Variants in ADH4 observed in about 807,000 individuals in gnomAD.
The protein encoded by ADH4 is alcohol dehydrogenase 4 (class II), pi polypeptide, also known as all-trans-retinol dehydrogenase [NAD(+)] ADH4.
Under a neutral mutation model 35.2 loss-of-function variants are expected in ADH4, and 31 were observed. That is an observed-to-expected ratio of 0.88 (90% CI 0.66 to 1.19). The LOEUF (loss-of-function observed/expected upper bound fraction) is 1.19, where lower values mean the gene tolerates loss of function less well. Ranked by LOEUF, ADH4 falls within the 50% of genes most tolerant of loss-of-function variation. The pLI is 0.00. For missense variants in ADH4, 476 were observed against 458.3 expected, an observed-to-expected ratio of 1.04 and a Z score of -0.35; for synonymous variants, 171 against 160.2, an observed-to-expected ratio of 1.07 and a Z score of -0.51.
chr4:99,125,216 A>G (rs1729048137), intron 8 of ADH4, among the ~76,000 whole-genome samples: 1 of 151,996 alleles, frequency 6.6e-6, no homozygotes, highest in Non-Finnish European at 1.5e-5. Flanking sequence ...CTGTGCCCAT[A>G]TGGTGGACAC....
At chr4:99,131,388 A>C (rs29001208) in intron 6 of ADH4, 116 bp downstream of exon 6, 287,576 of 1,162,950 alleles carry the variant, frequency 0.25, 39,103 homozygotes, top group Non-Finnish European at 0.28. Flanking sequence ...TAGTTCTACC[A>C]CCCTGTCATC....
rs766470523 is a variant in ADH4 at position 99,141,550 on chromosome 4, C to T, written c.253G>A (p.Val85Ile). ...GAATAAAATAAAATACCTGGTTTGA[C>T]GTTGGTCACTCCTGGCCCAATACTT... The part of the protein sequence containing the change: ...VESIGPGVTN[V>I]KPGDKVIPLY... Residue 85 changes from valine (V) to isoleucine (I), a missense_variant, in exon 3 of 9, where the codon GTC becomes ATC. Transcript: ENST00000265512. 5.7e-5 allele frequency: 92 copies of T among 1,607,020 alleles called. No individual in the cohort carries two copies. The highest frequency in any genetic ancestry group is 6.9e-5 in the Non-Finnish European group (81 of 1,177,614).
intron 6 of ADH4, among the ~76,000 whole-genome samples, chr4:99,128,031 T>TA (rs1205615649): frequency 6.6e-6 from 1 of 151,388 alleles, no homozygotes; most frequent in African/African-American, 2.4e-5. Flanking sequence ...ATAAGACTAA[T>TA]TTAAAATTGT....
intron 6 of ADH4, among the ~76,000 whole-genome samples, chr4:99,128,710 A>G (rs1199250445): frequency 1.3e-5 from 2 of 152,158 alleles, no homozygotes; most frequent in African/African-American, 2.4e-5. Flanking sequence ...AAATGCTTAC[A>G]TCTAACAGTT....
intron 5 of ADH4, among the ~76,000 whole-genome samples, chr4:99,135,464 G>A (rs1230695327): frequency 6.6e-6 from 1 of 152,082 alleles, no homozygotes; most frequent in African/African-American, 2.4e-5. Flanking sequence ...AACTGGGAGG[G>A]ATACCCAAAG....
At chr4:99,143,556 A>G (rs978103553) in intron 1 of ADH4, among the ~76,000 whole-genome samples, 4 of 152,126 alleles carry the variant, frequency 2.6e-5, no homozygotes, top group African/African-American at 9.7e-5. Flanking sequence ...CAAACCTATA[A>G]TCTTCTGTTC....
intron 6 of ADH4, among the ~76,000 whole-genome samples, chr4:99,129,773 G>C (rs1006383708): frequency 3.9e-5 from 6 of 152,126 alleles, no homozygotes; most frequent in Non-Finnish European, 5.9e-5. Flanking sequence ...TTTTCCTCCA[G>C]TACAACTTGA....
At position 99,142,279 on chromosome 4, in the gene ADH4, G is replaced by C. The variant is rs535059942; in HGVS notation, c.120+400C>G. ...TTCCTCTGGATACCCAGGACCCTTC[G>C]GCTGCCTAGGGCAGCACGTCAGGTT... is the stretch of plus-strand genomic sequence containing the variant. On this transcript the variant is annotated intron_variant, in intron 2 of 8. Transcript: ENST00000265512. 9.9e-5 allele frequency among the ~76,000 whole-genome samples: 15 copies of C among 152,204 alleles called. No homozygotes were observed. The South Asian group carries it at 2.9e-3, about 29-fold the overall frequency.
intron 8 of ADH4, among the ~76,000 whole-genome samples, chr4:99,125,455 A>C (rs962053784): frequency 1.3e-5 from 2 of 152,220 alleles, no homozygotes; most frequent in African/African-American, 4.8e-5. Flanking sequence ...GATGTATTCC[A>C]TAATTGAGAA....
In ADH4 at chr4:99,126,689, A is replaced by G. The variant is rs768088171; in HGVS notation, c.1023T>C (p.Tyr341=). 1 of 1,611,186 alleles carries G rather than the reference A, an allele frequency of 6.2e-7. No individual in the cohort carries two copies. Among genetic ancestry groups the G allele is most frequent in the South Asian group, 1.1e-5 (1 of 90,738 alleles). Residue 341 remains tyrosine, a synonymous_variant, in exon 8 of 9, where the codon TAT becomes TAC. Transcript: ENST00000265512. ...VDSIPKLVTD[Y]KNKKFNLDAL... is the part of the protein sequence containing the mutation. ...CATCCAGATTGAATTTCTTATTCTTATAGTCAGTGACCAGCTTTGGGATAG... is the reference window on the plus strand; with the variant it reads ...CATCCAGATTGAATTTCTTATTCTTGTAGTCAGTGACCAGCTTTGGGATAG...
At position 99,125,041 on chromosome 4, in the gene ADH4, G is replaced by T. The variant is rs534873157; in HGVS notation, c.1119-575C>A. On this transcript the variant is annotated intron_variant, in intron 8 of 8. Transcript: ENST00000265512. Reference sequence around the variant, plus strand: ...ATGTTTTCTTCACCCAGGACTGGAAGACACCCCTACCTGTAGAAGGAGAAT... The same window carrying T: ...ATGTTTTCTTCACCCAGGACTGGAATACACCCCTACCTGTAGAAGGAGAAT... 2.6e-5 allele frequency among the ~76,000 whole-genome samples: 4 copies of T among 152,332 alleles called. 1 individual carries two copies. In the South Asian group the frequency reaches 8.3e-4, roughly 32 times the overall value.
chr4:99,142,839 G>T, intron 1 of ADH4, 59 bp from the exon 2 acceptor site: 1 of 1,297,724 alleles, frequency 7.7e-7, no homozygotes. Context: ...ACAGGGTTGG[G>T]GGTAGGAGAG....
chr4:99,135,692 A>T (rs1308206056), intron 5 of ADH4, among the ~76,000 whole-genome samples: 1 of 152,162 alleles, frequency 6.6e-6, no homozygotes, highest in Admixed American at 6.5e-5. Flanking sequence ...CTACTGAGGA[A>T]TTTGAGCTCA....
At chr4:99,139,345 T>C (rs971739910) in intron 3 of ADH4, among the ~76,000 whole-genome samples, 197 bp from the exon 4 acceptor site, 3 of 152,218 alleles carry the variant, frequency 2.0e-5, no homozygotes, top group African/African-American at 7.2e-5. Context: ...TTTTAAAAAA[T>C]TACTCTGCTA....
intron 4 of ADH4, 86 bp downstream of exon 4, chr4:99,138,975 T>C: frequency 1.0e-6 from 1 of 959,182 alleles, no homozygotes; most frequent in Non-Finnish European, 1.6e-6. Flanking sequence ...GGTTTGCACC[T>C]CTTCAAGGCC....
At position 99,131,544 on chromosome 4, in the gene ADH4, A is replaced by G; in HGVS notation, c.803T>C (p.Val268Ala). 11 of 1,614,056 alleles carry G rather than the reference A, an allele frequency of 6.8e-6. No individual in the cohort carries two copies. Among genetic ancestry groups the G allele is most frequent in the Non-Finnish European group, 9.3e-6 (11 of 1,179,984 alleles). The change falls in exon 6 of 9, where the codon GTG becomes GCG. Residue 268 changes from valine (V) to alanine (A), a missense_variant. By Grantham distance (64) the Val-to-Ala change is moderately conservative. Transcript: ENST00000265512. ...ACCTGCACAGTCAAGGGCAAAATCC[A>G]CACCTCCCTTGGTCAATTCAATGAT... ...EVIIELTKGG[V>A]DFALDCAGGS...
At chr4:99,135,712 A>C (rs1313284281) in intron 5 of ADH4, among the ~76,000 whole-genome samples, 2 of 152,174 alleles carry the variant, frequency 1.3e-5, no homozygotes, top group African/African-American at 4.8e-5. Flanking sequence ...ACCCTGAGGG[A>C]AAAATGAAAT....
At chr4:99,136,388 T>C in intron 5 of ADH4, 78 bp downstream of exon 5, 1 of 1,207,714 alleles carries the variant, frequency 8.3e-7, no homozygotes, top group South Asian at 1.3e-5. Context: ...AGTTTGAAGA[T>C]AACTAACTCT....
At chr4:99,135,122 T>C (rs1309951245) in intron 5 of ADH4, among the ~76,000 whole-genome samples, 2 of 152,102 alleles carry the variant, frequency 1.3e-5, no homozygotes, top group Non-Finnish European at 2.9e-5. Context: ...GGGAGATTTC[T>C]CTATAGTGTG....
Sources: gnomAD v4.1 joint callset for allele counts (sites outside exome capture counted in the v4.1 genomes callset) on GRCh38, gnomAD v4.1.1 for gene constraint, MANE v1.5 for transcripts, NCBI Gene and HGNC (gene_info 2026-07-23, HGNC 2026-07-21) for gene names.